The following DIAPH3 variants were observed in gnomAD, a reference collection of about 807,000 sequenced individuals.
The protein encoded by DIAPH3 is diaphanous related formin 3.
DIAPH3 carries 117 observed loss-of-function variants against 144.3 expected under a neutral mutation model. The ratio of observed to expected loss-of-function variants is 0.81; its 90% CI spans 0.70 to 0.95. The LOEUF is 0.95. DIAPH3 is among the 40% of genes least tolerant of loss of function. The pLI, the probability that DIAPH3 is intolerant of heterozygous loss-of-function variation, is 0.00. For missense variants in DIAPH3, 1,421 were observed against 1,412.7 expected, an observed-to-expected ratio of 1.01 and a Z score of -0.09; for synonymous variants, 519 against 488.9, an observed-to-expected ratio of 1.06 and a Z score of -0.81.
intron 5 of DIAPH3, among the ~76,000 whole-genome samples, chr13:60,041,035 A>G (rs2055626164): frequency 6.6e-6 from 1 of 151,290 alleles, no homozygotes; most frequent in Non-Finnish European, 1.5e-5. Flanking sequence ...GCTGGTCTGG[A>G]ATGCCCGACC....
At chr13:60,063,616 G>A (rs2056850152) in intron 4 of DIAPH3, among the ~76,000 whole-genome samples, 1 of 152,076 alleles carries the variant, frequency 6.6e-6, no homozygotes, top group African/African-American at 2.4e-5. Flanking sequence ...TGGATGTTGT[G>A]TTCACATGCA....
chr13:60,016,204 T>C, intron 5 of DIAPH3, 59 bp from the exon 6 acceptor site: 2 of 1,418,524 alleles, frequency 1.4e-6, no homozygotes, highest in Non-Finnish European at 9.9e-7. Context: ...TGTTATCATA[T>C]TATATACCTA....
chr13:60,103,267 C>T lies in DIAPH3; in HGVS notation c.390+8743G>A, dbSNP rs918078989. Among the ~76,000 whole-genome samples the T allele has an allele frequency of 2.6e-5, 4 of 151,954 alleles. No homozygotes were observed. The South Asian group carries it at 8.3e-4, about 31-fold the overall frequency. The stretch of plus-strand genomic sequence containing the variant: ...AATGAGAGAGTGGACATTTTTCCAA[C>T]TGAATTACACACGTTAGACTCAATA... On this transcript the variant is annotated intron_variant, in intron 3 of 27. Coordinates refer to ENST00000400324, the MANE Select transcript of DIAPH3 (RefSeq NM_001042517.2).
chr13:59,987,474 A>AT (rs2051479771), intron 12 of DIAPH3, among the ~76,000 whole-genome samples: 1 of 127,026 alleles, frequency 7.9e-6, no homozygotes, highest in Admixed American at 8.2e-5. Flanking sequence ...TTAAAGTATA[A>AT]TAAAAAAAAA....
At chr13:59,860,843 C>T (rs192389056) in intron 22 of DIAPH3, among the ~76,000 whole-genome samples, 37 of 152,254 alleles carry the variant, frequency 2.4e-4, no homozygotes, top group Middle Eastern at 3.4e-3. Context: ...TAGCTCTATC[C>T]GTTCTATGAC....
At chr13:59,966,466 G>A (rs1044489754) in intron 17 of DIAPH3, among the ~76,000 whole-genome samples, 1 of 151,992 alleles carries the variant, frequency 6.6e-6, no homozygotes, top group African/African-American at 2.4e-5. Context: ...AAGATAATAT[G>A]AAGAGAACCC....
intron 2 of DIAPH3, among the ~76,000 whole-genome samples, chr13:60,127,280 A>G (rs1259912143): frequency 6.6e-6 from 1 of 152,126 alleles, no homozygotes; most frequent in Non-Finnish European, 1.5e-5. Context: ...TTAACAATAT[A>G]GGTAAAATGT....
intron 25 of DIAPH3, among the ~76,000 whole-genome samples, chr13:59,790,055 A>T (rs2039248117): frequency 6.6e-6 from 1 of 152,232 alleles, no homozygotes; most frequent in Non-Finnish European, 1.5e-5. Context: ...CTACAAAGAT[A>T]CACTAAGGAC....
At position 60,008,557 on chromosome 13, in the gene DIAPH3, G is replaced by A; in HGVS notation, c.1001C>T (p.Ser334Leu). 3 of 1,612,468 alleles carry A rather than the reference G, an allele frequency of 1.9e-6. No homozygotes were observed. The highest frequency in any genetic ancestry group is 2.5e-6 in the Non-Finnish European group (3 of 1,179,048). ...FCIVEGLRHN[S>L]VQLQVACMQL... The stretch of plus-strand genomic sequence containing the variant: ...CACAAAACTTACTTGCAGTTGAACT[G>A]AATTGTGCCGGAGGCCTTCCACAAT... Residue 334 changes from serine to leucine, a missense_variant, in exon 9 of 28, where the codon TCA becomes TTA. Transcript: ENST00000400324.
At chr13:59,924,438 A>T (rs2047661479) in intron 18 of DIAPH3, among the ~76,000 whole-genome samples, 2 of 151,618 alleles carry the variant, frequency 1.3e-5, no homozygotes. Flanking sequence ...TACACTACCA[A>T]TTTTTTTCAA....
rs531866590 is a variant in DIAPH3 at position 59,778,157 on chromosome 13, T to C, written c.3164-3334A>G. On this transcript the variant is annotated intron_variant, in intron 25 of 27. Coordinates refer to ENST00000400324, the MANE Select transcript of DIAPH3 (RefSeq NM_001042517.2). ...ATTATATCTACACAGAACATCTGTC[T>C]CACTTTCTTCACCAAGCTAGCTCTT... is the stretch of plus-strand genomic sequence containing the variant. Among the ~76,000 whole-genome samples the C allele has an allele frequency of 4.4e-3, 666 of 152,338 alleles. 3 individuals are homozygous for C. Among genetic ancestry groups the C allele is most frequent in the Non-Finnish European group, 7.2e-3 (487 of 68,026 alleles).
intron 21 of DIAPH3, among the ~76,000 whole-genome samples, chr13:59,869,175 A>G (rs2044108657): frequency 6.6e-6 from 1 of 152,184 alleles, no homozygotes; most frequent in African/African-American, 2.4e-5. Flanking sequence ...CCCACTAGCA[A>G]TGAATGAAGG....
At chr13:59,751,124 A>T (rs1168633589) in intron 27 of DIAPH3, among the ~76,000 whole-genome samples, 1 of 152,252 alleles carries the variant, frequency 6.6e-6, no homozygotes, top group Non-Finnish European at 1.5e-5. Context: ...CGACAGAAGG[A>T]ACAACAAATG....
intron 4 of DIAPH3, among the ~76,000 whole-genome samples, chr13:60,078,920 G>C (rs1249426222): frequency 6.6e-6 from 1 of 151,906 alleles, no homozygotes; most frequent in African/African-American, 2.4e-5. Flanking sequence ...GATATAGAAA[G>C]AACTTACATG....
Position 60,052,959 on chromosome 13 carries a change from TAAAAAAA to T in DIAPH3, c.496-10146_496-10140del, listed in dbSNP as rs559991017. Among the ~76,000 whole-genome samples, 131 of 40,640 alleles carry T rather than the reference TAAAAAAA, an allele frequency of 3.2e-3. 4 individuals carry two copies. Among genetic ancestry groups the T allele is most frequent in the Non-Finnish European group, 3.9e-3 (96 of 24,932 alleles). The allele number at this position is 40,640 out of a possible 152,430, so 26.7% of individuals were successfully genotyped here. A position where few individuals can be genotyped will look rare whatever the true frequency, so the allele number is the denominator to read the frequency against. On this transcript the variant is annotated intron_variant, in intron 4 of 27. Coordinates refer to ENST00000400324, the MANE Select transcript of DIAPH3 (RefSeq NM_001042517.2). Reference sequence around the variant, plus strand: ...CTGGTGACAGAGCCAGACTCCCTCTTAAAAAAAAAAAAAAAAAAAAAGAAATAATAAT... The same window carrying T: ...CTGGTGACAGAGCCAGACTCCCTCTTAAAAAAAAAAAAAAGAAATAATAAT...
intron 17 of DIAPH3, among the ~76,000 whole-genome samples, chr13:59,967,935 G>A (rs1267437953): frequency 6.6e-6 from 1 of 152,118 alleles, no homozygotes; most frequent in Admixed American, 6.5e-5. Flanking sequence ...CATTTGAGTT[G>A]AATTGAGACA....
chr13:59,909,697 G>A (rs757610148), intron 20 of DIAPH3, among the ~76,000 whole-genome samples: 3 of 152,084 alleles, frequency 2.0e-5, no homozygotes, highest in Non-Finnish European at 2.9e-5. Context: ...TTTCAACAAC[G>A]TTATTCCTTC....
Position 59,983,621 on chromosome 13 carries a change from C to T in DIAPH3, c.1480+148G>A, listed in dbSNP as rs147976673. 723 of 594,720 alleles carry T rather than the reference C, an allele frequency of 1.2e-3. 4 individuals are homozygous for T. In the African/African-American group the frequency reaches 0.012, roughly 10 times the overall value. The allele number at this position is 594,720 out of a possible 1,614,324, so 36.8% of individuals were successfully genotyped here. On this transcript the variant is annotated intron_variant, in intron 13 of 27. Coordinates refer to ENST00000400324, the MANE Select transcript of DIAPH3 (RefSeq NM_001042517.2). ...CAAAATACCAACCCAATAAAAAAGG[C>T]GAATAATGTTTTTGTGCTATTATGA... is the stretch of plus-strand genomic sequence containing the variant.
intron 21 of DIAPH3, among the ~76,000 whole-genome samples, chr13:59,872,106 G>A (rs1417055858): frequency 6.6e-6 from 1 of 151,828 alleles, no homozygotes; most frequent in Admixed American, 6.6e-5. Context: ...TTAGTTCTTT[G>A]TCTTACCTAC....
Sources: gnomAD v4.1 joint callset for allele counts (sites outside exome capture counted in the v4.1 genomes callset) on GRCh38, gnomAD v4.1.1 for gene constraint, MANE v1.5 for transcripts, NCBI Gene and HGNC (gene_info 2026-07-23, HGNC 2026-07-21) for gene names.